Variants in FAM53A observed in about 807,000 individuals in gnomAD.
FAM53A encodes protein FAM53A.
In FAM53A, 28 loss-of-function variants were observed where a neutral mutation model predicts 26.6. The observed-to-expected ratio is 1.05, with a 90% confidence interval of 0.78 to 1.45. FAM53A has a LOEUF of 1.45. Ranked by LOEUF, FAM53A falls within the 40% of genes most tolerant of loss-of-function variation. FAM53A has a pLI of 0.00. For missense variants in FAM53A, 650 were observed against 575.8 expected (o/e 1.13, Z -1.32); for synonymous variants, 290 against 253.1 (o/e 1.15, Z -1.38).
At chr4:1,610,445 C>T in the FAM53A span, among the ~76,000 whole-genome samples, 5 of 152,284 alleles carry the variant, frequency 3.3e-5, no homozygotes, top group East Asian at 1.9e-4. Flanking sequence ...GCAGGGGCTA[C>T]GTGCCTCGAA....
chr4:1,618,422 G>C (rs1714888385), intron 1 of FAM53A, among the ~76,000 whole-genome samples: 1 of 152,224 alleles, frequency 6.6e-6, no homozygotes, highest in Non-Finnish European at 1.5e-5. Context: ...AAATGTCCCT[G>C]GGTGGGAAGT....
downstream of FAM53A, among the ~76,000 whole-genome samples, chr4:1,637,196 G>A (rs112593200): frequency 6.2e-4 from 94 of 152,106 alleles, 4 homozygotes; most frequent in African/African-American, 2.1e-3. Flanking sequence ...CGGGTGGGGG[G>A]TGGGGGCGGG....
intron 4 of FAM53A, among the ~76,000 whole-genome samples, chr4:1,649,562 C>T (rs1025512806): frequency 6.6e-6 from 1 of 152,244 alleles, no homozygotes; most frequent in African/African-American, 2.4e-5. Flanking sequence ...CTCTGTGGGG[C>T]CCGCTCATGC....
chr4:1,633,380 G>A (rs1414241567), intron 1 of FAM53A, among the ~76,000 whole-genome samples: 5 of 152,308 alleles, frequency 3.3e-5, no homozygotes, highest in Admixed American at 2.6e-4. Flanking sequence ...CTCAAGAGAC[G>A]ATTTTATAAT....
intron 4 of FAM53A, among the ~76,000 whole-genome samples, chr4:1,652,666 C>T (rs1250263389): frequency 1.4e-5 from 2 of 147,388 alleles, no homozygotes; most frequent in Non-Finnish European, 3.0e-5. Flanking sequence ...ACCACATATA[C>T]ACCACACCAC....
At chr4:1,678,211 T>G (rs371842371) in intron 1 of FAM53A, among the ~76,000 whole-genome samples, 12 of 152,048 alleles carry the variant, frequency 7.9e-5, no homozygotes, top group African/African-American at 2.9e-4. Flanking sequence ...TAAAATTACC[T>G]GCGTGACTAC....
At chr4:1,685,171 C>T (rs979716735), upstream of FAM53A, among the ~76,000 whole-genome samples, 1 of 152,110 alleles carries the variant, frequency 6.6e-6, no homozygotes, top group African/African-American at 2.4e-5. Context: ...GGATATCCGC[C>T]GACTCTGGAG....
Position 1,655,444 on chromosome 4 carries a change from G to T in FAM53A, c.416C>A (p.Pro139His). Residue 139 changes from proline (P) to histidine (H), a missense_variant, in exon 4 of 5, where the codon CCC becomes CAC. Physicochemically the swap from Pro to His is moderately conservative, Grantham distance 77 (BLOSUM62 -2). Coordinates refer to ENST00000308132, the MANE Select transcript of FAM53A (RefSeq NM_001174070.3). ...TGGAGTCCAGACCTTGGAGCTGCCGGGGCGCCAGGGGGACCGGCAGCGCAC... is the reference window on the plus strand; with the variant it reads ...TGGAGTCCAGACCTTGGAGCTGCCGTGGCGCCAGGGGGACCGGCAGCGCAC... ...ELVRCRSPWR[P>H]GSSKVWTPVS... 6.6e-7 allele frequency: 1 copy of T among 1,525,724 alleles called. No individual in the cohort carries two copies. Among genetic ancestry groups the T allele is most frequent in the East Asian group, 2.4e-5 (1 of 42,354 alleles). 94.5% of individuals were successfully genotyped at this position (1,525,724 alleles called of 1,614,324 possible).
At chr4:1,605,620 G>A in the FAM53A span, among the ~76,000 whole-genome samples, 2 of 139,980 alleles carry the variant, frequency 1.4e-5, no homozygotes, top group African/African-American at 5.0e-5. This position sits in a 1 kb window ranked among gnomAD's most constrained non-coding sequence, Gnocchi z 5.7. Flanking sequence ...GTGTGGACGC[G>A]GCTCCTCGGG....
the FAM53A span, among the ~76,000 whole-genome samples, chr4:1,585,277 T>TC: frequency 1.7e-3 from 57 of 34,040 alleles, no homozygotes; most frequent in East Asian, 2.3e-3. Flanking sequence ...TCTCTCTCTC[T>TC]TTTTTTTTTT....
At chr4:1,611,096 C>T in the FAM53A span, among the ~76,000 whole-genome samples, 116 of 152,332 alleles carry the variant, frequency 7.6e-4, 2 homozygotes, top group African/African-American at 2.4e-3. Flanking sequence ...GGGCACAGAA[C>T]GGGGCCTCTG....
At chr4:1,598,075 G>A in the FAM53A span, among the ~76,000 whole-genome samples, 1 of 152,266 alleles carries the variant, frequency 6.6e-6, no homozygotes, top group Non-Finnish European at 1.5e-5. Flanking sequence ...TGCCCTTTGA[G>A]AGCCAAGCTG....
chr4:1,636,122 C>T (rs373041014), downstream of FAM53A, among the ~76,000 whole-genome samples: 10 of 152,288 alleles, frequency 6.6e-5, no homozygotes, highest in East Asian at 1.9e-3. Context: ...GCTGGGATTA[C>T]AGGCGTGAGC....
At chr4:1,586,834 CTA>C in the FAM53A span, among the ~76,000 whole-genome samples, 1 of 149,642 alleles carries the variant, frequency 6.7e-6, no homozygotes, top group African/African-American at 2.4e-5. Flanking sequence ...ATGTGGTGGT[CTA>C]TTCTTAATTT....
At chr4:1,607,999 C>T in the FAM53A span, among the ~76,000 whole-genome samples, 3 of 152,014 alleles carry the variant, frequency 2.0e-5, no homozygotes, top group African/African-American at 7.3e-5. Flanking sequence ...GTAATCCCAG[C>T]TACTCAGGAG....
chr4:1,619,670 C>A (rs1714943426), intron 1 of FAM53A, among the ~76,000 whole-genome samples: 1 of 152,168 alleles, frequency 6.6e-6, no homozygotes, highest in African/African-American at 2.4e-5. Flanking sequence ...ACGCACCGGG[C>A]ACCGGCCTTG....
At chr4:1,671,376 G>C (rs10016556) in intron 1 of FAM53A, among the ~76,000 whole-genome samples, 3 of 81,170 alleles carry the variant, frequency 3.7e-5, no homozygotes, top group Admixed American at 2.6e-4. Flanking sequence ...CTGTCCCAGC[G>C]TCAGAGCCAC....
intron 2 of FAM53A, among the ~76,000 whole-genome samples, chr4:1,658,873 C>A (rs911069760): frequency 1.3e-5 from 2 of 152,262 alleles, no homozygotes; most frequent in African/African-American, 4.8e-5. Context: ...CACCCTGTGA[C>A]AAGGACACGG....
chr4:1,575,750 G>A, the FAM53A span, among the ~76,000 whole-genome samples: 1 of 152,164 alleles, frequency 6.6e-6, no homozygotes, highest in Non-Finnish European at 1.5e-5. Flanking sequence ...CCAGAGAGCA[G>A]GAGCTGGGGG....
Sources: gnomAD v4.1 joint callset for allele counts (sites outside exome capture counted in the v4.1 genomes callset) on GRCh38, gnomAD v4.1.1 for gene constraint, Gnocchi (gnomAD v3.1) non-coding constraint, MANE v1.5 for transcripts, NCBI Gene and HGNC (gene_info 2026-07-23, HGNC 2026-07-21) for gene names.